Variants in PALM2AKAP2 observed in about 807,000 individuals in gnomAD.
The protein encoded by PALM2AKAP2 is PALM2-AKAP2 fusion protein.
A neutral mutation model predicts 71.5 loss-of-function variants in PALM2AKAP2; 37 were observed. The observed-to-expected ratio is 0.52, with a 90% CI of 0.40 to 0.68. The LOEUF is 0.68. Ranked by LOEUF, PALM2AKAP2 falls within the 30% of genes least tolerant of loss-of-function variation. The probability of loss-of-function intolerance (pLI) is 0.00; values close to 1 mark genes in which losing one functional copy is unlikely to be tolerated. For synonymous variants in PALM2AKAP2, 468 were observed against 478.8 expected, an observed-to-expected ratio of 0.98 and a Z score of 0.29; for missense variants, 1,224 against 1,191.8, an observed-to-expected ratio of 1.03 and a Z score of -0.40.
intron 1 of PALM2AKAP2, among the ~76,000 whole-genome samples, chr9:109,766,632 A>C (rs1312596658): frequency 2.0e-5 from 3 of 152,218 alleles, no homozygotes; most frequent in Non-Finnish European, 2.9e-5. Flanking sequence ...CATGTTGATA[A>C]GGCAGAAATA....
At chr9:109,987,615 C>A (rs917390041) in intron 6 of PALM2AKAP2, among the ~76,000 whole-genome samples, 1 of 152,178 alleles carries the variant, frequency 6.6e-6, no homozygotes, top group Non-Finnish European at 1.5e-5. Flanking sequence ...AAAATTATAT[C>A]TCAGTTGGCT....
intron 6 of PALM2AKAP2, among the ~76,000 whole-genome samples, chr9:109,976,958 C>G (rs1369613125): frequency 1.3e-5 from 2 of 152,054 alleles, no homozygotes; most frequent in Non-Finnish European, 2.9e-5. Flanking sequence ...GCCAGAGCTT[C>G]AGGCTTAGCA....
At chr9:110,049,358 G>T (rs1418337848) in intron 1 of PALM2AKAP2, among the ~76,000 whole-genome samples, 2 of 152,184 alleles carry the variant, frequency 1.3e-5, no homozygotes, top group Non-Finnish European at 2.9e-5. Context: ...TTTTCAGAGA[G>T]ACTGAAGTCA....
chr9:109,780,646 A>T, intron 1 of PALM2AKAP2, 113 bp downstream of exon 1: 1 of 1,472,912 alleles, frequency 6.8e-7, no homozygotes, highest in Non-Finnish European at 9.4e-7. Context: ...CATATGTTCC[A>T]GGGGCTAAAA....
At chr9:109,874,960 C>T (rs1829687518) in intron 2 of PALM2AKAP2, among the ~76,000 whole-genome samples, 1 of 152,222 alleles carries the variant, frequency 6.6e-6, no homozygotes, top group Non-Finnish European at 1.5e-5. Context: ...ATGCAATAAA[C>T]TCCCATCACT....
At chr9:110,106,816 A>G (rs927955233) in intron 1 of PALM2AKAP2, among the ~76,000 whole-genome samples, 2 of 152,250 alleles carry the variant, frequency 1.3e-5, no homozygotes, top group African/African-American at 4.8e-5. Context: ...TCCCAAACAA[A>G]TGGCTTGTTT....
At chr9:109,642,386 A>G (rs958355455) in intron 1 of PALM2AKAP2, among the ~76,000 whole-genome samples, 11 of 151,618 alleles carry the variant, frequency 7.3e-5, no homozygotes, top group African/African-American at 2.7e-4. Context: ...GCCTGGCATA[A>G]AATAAGCTCA....
At chr9:109,946,065 G>A (rs967543238) in intron 6 of PALM2AKAP2, 7 of 152,138 alleles carry the variant, frequency 4.6e-5, no homozygotes, top group Non-Finnish European at 8.8e-5. Flanking sequence ...TGAATATGGC[G>A]CATATATTTG....
intron 1 of PALM2AKAP2, among the ~76,000 whole-genome samples, chr9:109,698,270 A>ACT: frequency 7.0e-6 from 1 of 142,986 alleles, no homozygotes; most frequent in African/African-American, 2.8e-5. Context: ...CATGTGTGCT[A>ACT]CATTTTTTTT....
chr9:109,723,649 G>C (rs1374152035), intron 1 of PALM2AKAP2, among the ~76,000 whole-genome samples: 2 of 152,092 alleles, frequency 1.3e-5, no homozygotes, highest in African/African-American at 4.8e-5. Flanking sequence ...GAAACAAGCG[G>C]AAAAAGAAAA....
rs1836783751 is a variant in PALM2AKAP2, at chr9:110,168,310, A to C, written c.2749-89A>C. ...TCACTTTCTCCTCTCAAGTTGATAA[A>C]GAGAAAGGAAGAAAGAAACAGAGAA... On this transcript the variant is annotated intron_variant, in intron 3 of 3. Transcript: ENST00000374525. 4.7e-6 allele frequency: 7 copies of C among 1,488,090 alleles called. No homozygotes were observed. In the South Asian group the frequency reaches 7.7e-5, roughly 16 times the overall value. The allele number at this position is 1,488,090 out of a possible 1,614,324, so 92.2% of individuals were successfully genotyped here. A position where few individuals can be genotyped will look rare whatever the true frequency, so the allele number is the denominator to read the frequency against.
intron 1 of PALM2AKAP2, 43 bp downstream of exon 1, chr9:109,780,576 G>C: frequency 6.2e-7 from 1 of 1,612,696 alleles, no homozygotes; most frequent in South Asian, 1.1e-5. Context: ...ATTGTCTGGG[G>C]TGGAAGGGGG....
chr9:109,780,210 C>G (rs1269939735), upstream of PALM2AKAP2: 15 of 960,508 alleles, frequency 1.6e-5, no homozygotes, highest in Non-Finnish European at 1.8e-5. Flanking sequence ...CCCACGTCCT[C>G]GGCTGGCGCG....
At chr9:109,969,631 G>A (rs1832027319) in intron 6 of PALM2AKAP2, among the ~76,000 whole-genome samples, 1 of 152,204 alleles carries the variant, frequency 6.6e-6, no homozygotes, top group African/African-American at 2.4e-5. Flanking sequence ...ATCCTTGGGT[G>A]TGCATTGTCC....
intron 2 of PALM2AKAP2, among the ~76,000 whole-genome samples, chr9:110,147,294 A>T (rs1220227477): frequency 1.3e-5 from 2 of 151,746 alleles, no homozygotes; most frequent in Non-Finnish European, 2.9e-5. Context: ...GGGAGAATAT[A>T]TGCTAAAATA....
At chr9:110,020,106 C>T (rs950663065) in intron 7 of PALM2AKAP2, among the ~76,000 whole-genome samples, 125 of 152,170 alleles carry the variant, frequency 8.2e-4, no homozygotes, top group African/African-American at 2.9e-3. Context: ...CTGCCTTTTG[C>T]CTGAGAAAAC....
chr9:109,856,476 C>T (rs906081146), intron 1 of PALM2AKAP2, among the ~76,000 whole-genome samples: 6 of 152,298 alleles, frequency 3.9e-5, no homozygotes, highest in African/African-American at 1.4e-4. Context: ...GAATAAAAGA[C>T]CCCAACTTAT....
At chr9:109,864,275 G>A (rs1456198482) in intron 1 of PALM2AKAP2, among the ~76,000 whole-genome samples, 3 of 152,198 alleles carry the variant, frequency 2.0e-5, no homozygotes, top group Admixed American at 6.5e-5. Context: ...CAGGGGAAAT[G>A]TATGACTACA....
At chr9:109,980,693 T>G (rs1409986424) in intron 6 of PALM2AKAP2, among the ~76,000 whole-genome samples, 1 of 152,204 alleles carries the variant, frequency 6.6e-6, no homozygotes, top group Non-Finnish European at 1.5e-5. Context: ...ACAGGTTCCT[T>G]GGGTGCTTCT....
Sources: gnomAD v4.1 joint callset for allele counts (sites outside exome capture counted in the v4.1 genomes callset) on GRCh38, gnomAD v4.1.1 for gene constraint, MANE v1.5 for transcripts, NCBI Gene and HGNC (gene_info 2026-07-23, HGNC 2026-07-21) for gene names.